FAT3: variants seen among roughly 807,000 people sequenced by gnomAD.
FAT3 encodes protocadherin Fat 3.
In FAT3, 95 loss-of-function variants were observed where a neutral mutation model predicts 310.2. The observed-to-expected ratio is 0.31, with a 90% CI of 0.26 to 0.36. The LOEUF is 0.36. Ranked by LOEUF, FAT3 falls within the 10% of genes least tolerant of loss-of-function variation. The probability of loss-of-function intolerance (pLI) is 1.00; values close to 1 mark genes in which losing one functional copy is unlikely to be tolerated. For missense variants in FAT3, 5,408 were observed against 5,715.6 expected, an observed-to-expected ratio of 0.95 and a Z score of 1.74; for synonymous variants, 2,314 against 2,192.9, an observed-to-expected ratio of 1.06 and a Z score of -1.54.
chr11:92,700,897 A>C (rs940919229), intron 4 of FAT3, among the ~76,000 whole-genome samples: 2 of 152,058 alleles, frequency 1.3e-5, no homozygotes, highest in Non-Finnish European at 2.9e-5. Context: ...CAGGAGTTTG[A>C]ACATTTCTTT....
chr11:92,354,640 G>C lies in FAT3; in HGVS notation c.2528G>C (p.Ser843Thr), dbSNP rs747229271. 6 of 1,613,856 alleles carry C rather than the reference G, an allele frequency of 3.7e-6. No individual in the cohort carries two copies. The South Asian group carries it at 6.6e-5, about 18-fold the overall frequency. Residue 843 changes from serine to threonine, a missense_variant, in exon 2 of 28, where the codon AGT becomes ACT. Physicochemically the swap from Ser to Thr is moderately conservative, Grantham distance 58. This residue lies in a region of FAT3 where 4,588 missense variants were observed against 4,809.8 expected (regional missense o/e 0.95). Transcript: ENST00000525166. Reference protein sequence around the residue: ...QDSYSVNILESSGIGTEIIQV... With the variant: ...QDSYSVNILETSGIGTEIIQV... ...AGTTACTCAGTTAACATTCTTGAAA[G>C]TTCAGGCATTGGTACTGAAATCATT...
intron 2 of FAT3, among the ~76,000 whole-genome samples, chr11:92,377,857 G>A (rs1372337462): frequency 6.6e-6 from 1 of 152,164 alleles, no homozygotes; most frequent in East Asian, 1.9e-4. Flanking sequence ...CTTTCCAAAG[G>A]TTAAATTAGA....
At chr11:92,666,379 T>A (rs1942949209) in intron 3 of FAT3, among the ~76,000 whole-genome samples, 1 of 144,896 alleles carries the variant, frequency 6.9e-6, no homozygotes, top group Non-Finnish European at 1.5e-5. Context: ...TGAGACGGAA[T>A]CTCGCTCTGT....
intron 2 of FAT3, among the ~76,000 whole-genome samples, chr11:92,518,241 A>G (rs1351543345): frequency 6.6e-6 from 1 of 152,216 alleles, no homozygotes; most frequent in African/African-American, 2.4e-5. Context: ...ACTATTCACA[A>G]TAGCAAAGAT....
chr11:92,887,235 G>A (rs757743670), intron 25 of FAT3, 122 bp downstream of exon 25: 40 of 783,298 alleles, frequency 5.1e-5, no homozygotes, highest in African/African-American at 1.7e-4. Context: ...GCTTTTGAGC[G>A]TGTTCACCAG....
chr11:92,648,766 A>C lies in FAT3; in HGVS notation c.3608-48618A>C, dbSNP rs560456443. On this transcript the variant is annotated intron_variant, in intron 3 of 27. Coordinates refer to ENST00000525166, the MANE Select transcript of FAT3 (RefSeq NM_001367949.2). ...TGTGTCCCAGAACCAGGATTCAACA[A>C]ACCATTGTGACGGCCATGCTCATTG... Among the ~76,000 whole-genome samples the C allele has an allele frequency of 9.8e-5, 15 of 152,298 alleles. No individual in the cohort carries two copies. The South Asian group carries it at 2.5e-3, about 25-fold the overall frequency.
intron 3 of FAT3, among the ~76,000 whole-genome samples, chr11:92,682,521 G>A (rs1057500143): frequency 2.6e-5 from 4 of 152,174 alleles, no homozygotes; most frequent in East Asian, 1.9e-4. Flanking sequence ...CAGAGCCAAC[G>A]TAATAATCGC....
chr11:92,677,171 C>T (rs946894738), intron 3 of FAT3, among the ~76,000 whole-genome samples: 15 of 152,202 alleles, frequency 9.9e-5, no homozygotes, highest in South Asian at 4.1e-4. Context: ...TTGTTCTCTG[C>T]GCTCTAGAGC....
At chr11:92,776,910 C>A (rs1946612695) in intron 7 of FAT3, among the ~76,000 whole-genome samples, 1 of 152,182 alleles carries the variant, frequency 6.6e-6, no homozygotes, top group Non-Finnish European at 1.5e-5. Context: ...CCTCACCAGC[C>A]CCTGCCAATC....
At chr11:92,621,882 C>A (rs1591531223) in intron 3 of FAT3, among the ~76,000 whole-genome samples, 1 of 152,070 alleles carries the variant, frequency 6.6e-6, no homozygotes, top group East Asian at 1.9e-4. Context: ...CCCTAGGATG[C>A]GTGTTTAAAA....
rs1948640465 is a variant in FAT3 at position 92,353,773 on chromosome 11, C to T, written c.1661C>T (p.Ser554Leu). Reference protein sequence around the residue: ...RFIVRASDWGSPYRHESEVNV... With the variant: ...RFIVRASDWGLPYRHESEVNV... ...ATTGTTAGAGCCTCTGACTGGGGTT[C>T]ACCATACCGCCATGAAAGTGAGGTC... Residue 554 changes from serine to leucine, a missense_variant, in exon 2 of 28, where the codon TCA (serine) becomes TTA (leucine). This residue lies in a region of FAT3 where 4,588 missense variants were observed against 4,809.8 expected (regional missense o/e 0.95). Coordinates refer to ENST00000525166, the MANE Select transcript of FAT3 (RefSeq NM_001367949.2). The T allele has an allele frequency of 6.2e-7, 1 of 1,613,342 alleles. No individual in the cohort carries two copies. The highest frequency in any genetic ancestry group is 1.3e-5 in the African/African-American group (1 of 74,894).
At chr11:92,856,685 A>G (rs1948987026) in intron 19 of FAT3, among the ~76,000 whole-genome samples, 1 of 152,216 alleles carries the variant, frequency 6.6e-6, no homozygotes, top group Non-Finnish European at 1.5e-5. Context: ...GGATTAGGAA[A>G]CAATGTGAGT....
rs189210471 is a variant in FAT3, at chr11:92,881,922, G to A, written c.12282-816G>A. ...TTAGCCTTTAACATAAGCACAGAAT[G>A]TTGAAGACATGTAGCCCTTCACCCA... On this transcript the variant is annotated intron_variant, in intron 23 of 27. Transcript: ENST00000525166. Among the ~76,000 whole-genome samples, 5 of 152,270 alleles carry A rather than the reference G, an allele frequency of 3.3e-5. No homozygotes were observed. In the East Asian group the frequency reaches 7.7e-4, roughly 24 times the overall value.
At chr11:92,621,489 G>A (rs184571269) in intron 3 of FAT3, among the ~76,000 whole-genome samples, 5 of 152,272 alleles carry the variant, frequency 3.3e-5, no homozygotes, top group Admixed American at 3.3e-4. Context: ...ATTTTTTGGA[G>A]GAGTTGGAGA....
chr11:92,705,806 TTGGTGGTGGTGTGA>T (rs1944317008), intron 4 of FAT3, among the ~76,000 whole-genome samples: 1 of 4,772 alleles, frequency 2.1e-4, no homozygotes, highest in Non-Finnish European at 4.4e-4. Flanking sequence ...GGTGTTGGTG[TTGGTGGTGGTGTGA>T]TGGTGGTGGT....
At chr11:92,281,641 C>T (rs1356920486) in intron 1 of FAT3, among the ~76,000 whole-genome samples, 1 of 152,124 alleles carries the variant, frequency 6.6e-6, no homozygotes, top group African/African-American at 2.4e-5. Flanking sequence ...CAGAGCCTAG[C>T]ATAGTAACTG....
intron 3 of FAT3, among the ~76,000 whole-genome samples, chr11:92,560,220 A>C (rs1955172240): frequency 5.3e-5 from 8 of 152,128 alleles, no homozygotes. Flanking sequence ...TGAACATTTC[A>C]TGTTCTTCTT....
chr11:92,685,555 A>T (rs949651361), intron 3 of FAT3, among the ~76,000 whole-genome samples: 3 of 150,870 alleles, frequency 2.0e-5, no homozygotes, highest in Admixed American at 1.3e-4. Flanking sequence ...TACACATTTC[A>T]TTATTATATA....
At chr11:92,332,288 C>T (rs1461457685) in intron 1 of FAT3, among the ~76,000 whole-genome samples, 1 of 152,134 alleles carries the variant, frequency 6.6e-6, no homozygotes, top group Non-Finnish European at 1.5e-5. Flanking sequence ...CAAAAAGATT[C>T]CAGTTAATCA....
Sources: allele counts gnomAD v4.1 joint callset (sites outside exome capture counted in the v4.1 genomes callset), GRCh38; gene constraint gnomAD v4.1.1; regional missense constraint gnomAD v4.1.1; transcripts MANE v1.5; gene names NCBI Gene and HGNC (gene_info 2026-07-23, HGNC 2026-07-21).